The following TRMT11 variants were observed in gnomAD, a reference collection of about 807,000 sequenced individuals.
TRMT11 encodes the protein tRNA (guanine(10)-N(2))-methyltransferase TRMT11.
A neutral mutation model predicts 62.8 loss-of-function variants in TRMT11; 53 were observed. The ratio of observed to expected loss-of-function variants is 0.84; its 90% CI spans 0.68 to 1.06. The LOEUF (loss-of-function observed/expected upper bound fraction) is 1.06. Ranked by LOEUF, TRMT11 falls within the 50% of genes least tolerant of loss-of-function variation. TRMT11 has a pLI of 0.00. For synonymous variants in TRMT11, 188 were observed against 190.3 expected, an observed-to-expected ratio of 0.99 and a Z score of 0.10; for missense variants, 556 against 553.4, an observed-to-expected ratio of 1.00 and a Z score of -0.05.
At chr6:125,997,796 A>G (rs1791794993) in intron 3 of TRMT11, among the ~76,000 whole-genome samples, 1 of 152,174 alleles carries the variant, frequency 6.6e-6, no homozygotes, top group East Asian at 1.9e-4. Flanking sequence ...GGCGTTAACC[A>G]CTGTGCCTGG....
the TRMT11 span, among the ~76,000 whole-genome samples, chr6:126,267,902 T>C: frequency 2.6e-5 from 4 of 152,182 alleles, no homozygotes; most frequent in Non-Finnish European, 5.9e-5. Flanking sequence ...TTTTTTTTTC[T>C]TCAGATTTAG....
chr6:126,235,677 A>G, the TRMT11 span, among the ~76,000 whole-genome samples: 1 of 152,172 alleles, frequency 6.6e-6, no homozygotes, highest in Non-Finnish European at 1.5e-5. Context: ...ATGAAGGGGA[A>G]CAACACACAG....
chr6:126,140,184 G>A (rs913758179), intron 21 of TRMT11, among the ~76,000 whole-genome samples: 7 of 151,598 alleles, frequency 4.6e-5, no homozygotes, highest in Non-Finnish European at 1.0e-4. Flanking sequence ...AGAATTGGTA[G>A]GTTCTCTAGT....
chr6:126,155,681 T>C (rs556356476), intron 21 of TRMT11, among the ~76,000 whole-genome samples: 4 of 152,304 alleles, frequency 2.6e-5, no homozygotes, highest in Admixed American at 2.0e-4. Flanking sequence ...AAAGGGACAG[T>C]AGGCTCCATG....
At chr6:126,089,399 G>A (rs553051549) in intron 17 of TRMT11, among the ~76,000 whole-genome samples, 22 of 152,090 alleles carry the variant, frequency 1.4e-4, no homozygotes, top group African/African-American at 5.1e-4. Flanking sequence ...GGAGTGAGCC[G>A]CCGCACCCAC....
chr6:126,072,842 G>A (rs1281765750), intron 17 of TRMT11, among the ~76,000 whole-genome samples: 2 of 152,054 alleles, frequency 1.3e-5, no homozygotes, highest in Non-Finnish European at 1.5e-5. Context: ...ATTCATGAAT[G>A]TTCCACCCTC....
intron 21 of TRMT11, among the ~76,000 whole-genome samples, chr6:126,166,561 G>A (rs1306797587): frequency 6.6e-6 from 1 of 152,146 alleles, no homozygotes; most frequent in Non-Finnish European, 1.5e-5. Flanking sequence ...CCTGTATAAG[G>A]TGTCTCCCAG....
chr6:126,065,184 A>T (rs541387492), intron 17 of TRMT11, among the ~76,000 whole-genome samples: 1 of 152,326 alleles, frequency 6.6e-6, no homozygotes, highest in African/African-American at 2.4e-5. Context: ...ATTGTTAGGT[A>T]TATAGTTCAA....
intron 17 of TRMT11, among the ~76,000 whole-genome samples, chr6:126,099,719 C>T (rs542471264): frequency 2.0e-5 from 3 of 152,316 alleles, no homozygotes; most frequent in Non-Finnish European, 4.4e-5. Context: ...TGCACTCCAT[C>T]CTGAGTGACA....
the TRMT11 span, among the ~76,000 whole-genome samples, chr6:126,245,403 C>A: frequency 6.6e-6 from 1 of 152,164 alleles, no homozygotes; most frequent in African/African-American, 2.4e-5. Flanking sequence ...ATAGAATCTA[C>A]GTCCAGTATC....
At chr6:126,081,572 C>T (rs1777158654) in intron 17 of TRMT11, among the ~76,000 whole-genome samples, 1 of 152,082 alleles carries the variant, frequency 6.6e-6, no homozygotes, top group African/African-American at 2.4e-5. Context: ...ACTCAGTGGT[C>T]TGGAGTAAGG....
At chr6:126,232,183 T>G in the TRMT11 span, among the ~76,000 whole-genome samples, 1 of 151,930 alleles carries the variant, frequency 6.6e-6, no homozygotes, top group Non-Finnish European at 1.5e-5. Context: ...TGTGTGTAGT[T>G]GAATACTGAA....
At chr6:126,112,509 G>C (rs1418971033) in intron 17 of TRMT11, among the ~76,000 whole-genome samples, 1 of 152,140 alleles carries the variant, frequency 6.6e-6, no homozygotes, top group Non-Finnish European at 1.5e-5. Flanking sequence ...ACACAGTTTG[G>C]CTAGATGCCA....
the TRMT11 span, among the ~76,000 whole-genome samples, chr6:126,246,844 C>T: frequency 6.6e-6 from 1 of 152,144 alleles, no homozygotes; most frequent in African/African-American, 2.4e-5. Context: ...TAGTAGTTCT[C>T]AAATCAGGCA....
At chr6:126,257,982 A>G in the TRMT11 span, 25 of 1,556,142 alleles carry the variant, frequency 1.6e-5, no homozygotes, top group African/African-American at 1.2e-4. Context: ...CAGGTCAGGG[A>G]TGAAGGCCTC....
chr6:126,003,973 T>C (rs1792944514), intron 7 of TRMT11, among the ~76,000 whole-genome samples: 1 of 152,116 alleles, frequency 6.6e-6, no homozygotes, highest in African/African-American at 2.4e-5. Flanking sequence ...CTCTGGTTCA[T>C]TTGGAGATTA....
intron 1 of TRMT11, 71 bp from the exon 2 acceptor site, chr6:125,993,686 C>A: frequency 3.2e-6 from 3 of 941,462 alleles, no homozygotes; most frequent in Non-Finnish European, 3.3e-6. Context: ...TCATGTAATA[C>A]CTGTCTCCCT....
chr6:126,177,580 C>A (rs1309069807), intron 1 of TRMT11, among the ~76,000 whole-genome samples: 1 of 152,104 alleles, frequency 6.6e-6, no homozygotes, highest in Non-Finnish European at 1.5e-5. Flanking sequence ...GAATCCAGCC[C>A]TATCAACTCT....
At chr6:126,156,561 A>T (rs923724940) in intron 21 of TRMT11, among the ~76,000 whole-genome samples, 9 of 152,314 alleles carry the variant, frequency 5.9e-5, no homozygotes, top group African/African-American at 1.9e-4. Context: ...TGCTATAAAG[A>T]AATACCAGAG....
Sources: allele counts gnomAD v4.1 joint callset (sites outside exome capture counted in the v4.1 genomes callset), GRCh38; gene constraint gnomAD v4.1.1; transcripts MANE v1.5; gene names NCBI Gene and HGNC (gene_info 2026-07-23, HGNC 2026-07-21).